ERBB4: variants seen among roughly 807,000 people sequenced by gnomAD.
ERBB4 encodes the protein erb-b2 receptor tyrosine kinase 4.
ERBB4 carries 42 observed loss-of-function variants against 158.0 expected under a neutral mutation model. That is an observed-to-expected ratio of 0.27 (90% confidence interval 0.21 to 0.34). ERBB4 has a LOEUF of 0.34. Ranked by LOEUF, ERBB4 falls within the 10% of genes least tolerant of loss-of-function variation. The pLI is 1.00. For synonymous variants in ERBB4, 583 were observed against 558.7 expected (o/e 1.04, Z -0.61); for missense variants, 1,333 against 1,624.1 (o/e 0.82, Z 3.08).
intron 2 of ERBB4, among the ~76,000 whole-genome samples, chr2:212,057,359 T>A (rs1205332600): frequency 6.6e-6 from 1 of 152,092 alleles, no homozygotes; most frequent in African/African-American, 2.4e-5. Flanking sequence ...CTGTCAACAT[T>A]AGACAGATCA....
At chr2:211,459,577 G>A (rs1401254891) in intron 20 of ERBB4, among the ~76,000 whole-genome samples, 2 of 152,164 alleles carry the variant, frequency 1.3e-5, no homozygotes, top group Admixed American at 1.3e-4. Context: ...TCACATGGTA[G>A]TGAATAAATC....
At chr2:211,886,423 C>T (rs2078803060) in intron 3 of ERBB4, among the ~76,000 whole-genome samples, 1 of 152,036 alleles carries the variant, frequency 6.6e-6, no homozygotes, top group African/African-American at 2.4e-5. Flanking sequence ...AAAAAATATT[C>T]ATTGAAATAA....
At chr2:211,444,721 C>A (rs2064068144) in intron 20 of ERBB4, among the ~76,000 whole-genome samples, 1 of 152,014 alleles carries the variant, frequency 6.6e-6, no homozygotes, top group African/African-American at 2.4e-5. Context: ...TCTAAACAAT[C>A]TTTTATTGAA....
intron 1 of ERBB4, among the ~76,000 whole-genome samples, chr2:212,285,250 C>G (rs1167341510): frequency 6.6e-6 from 1 of 152,126 alleles, no homozygotes; most frequent in Non-Finnish European, 1.5e-5. Flanking sequence ...GAGAATGGCT[C>G]TCTTTCCATT....
chr2:211,582,731 C>A (rs1216691037), intron 19 of ERBB4, among the ~76,000 whole-genome samples: 1 of 152,104 alleles, frequency 6.6e-6, no homozygotes, highest in Non-Finnish European at 1.5e-5. Context: ...CATCTTTTAG[C>A]TATTTAACTG....
At chr2:211,414,946 TATTTA>T (rs906633916) in intron 25 of ERBB4, among the ~76,000 whole-genome samples, 42 of 152,186 alleles carry the variant, frequency 2.8e-4, no homozygotes, top group African/African-American at 9.2e-4. Flanking sequence ...AAAAGTGAGA[TATTTA>T]ATTTAAATCA....
intron 2 of ERBB4, among the ~76,000 whole-genome samples, chr2:212,010,956 G>C (rs1170117906): frequency 6.6e-6 from 1 of 152,122 alleles, no homozygotes; most frequent in Non-Finnish European, 1.5e-5. Flanking sequence ...GAAAAATATG[G>C]CTCTTTTTGC....
At chr2:211,813,035 C>T (rs1388030330) in intron 3 of ERBB4, among the ~76,000 whole-genome samples, 1 of 152,150 alleles carries the variant, frequency 6.6e-6, no homozygotes, top group Admixed American at 6.5e-5. Context: ...TCCAGCTCGC[C>T]CTCTGTGGGC....
intron 5 of ERBB4, among the ~76,000 whole-genome samples, chr2:211,746,602 G>A (rs893614871): frequency 3.3e-5 from 5 of 152,092 alleles, no homozygotes; most frequent in East Asian, 1.9e-4. Context: ...GCCGAGGCGA[G>A]TGGATCACCT....
intron 25 of ERBB4, among the ~76,000 whole-genome samples, chr2:211,404,433 C>G (rs2063107507): frequency 6.6e-6 from 1 of 152,066 alleles, no homozygotes; most frequent in African/African-American, 2.4e-5. Flanking sequence ...TGTCAACAGC[C>G]TGCTCTCAAT....
intron 3 of ERBB4, among the ~76,000 whole-genome samples, chr2:211,903,783 A>T (rs1183404168): frequency 2.0e-5 from 3 of 151,880 alleles, no homozygotes; most frequent in African/African-American, 4.8e-5. Context: ...TTACACAATT[A>T]AAAAAGAAAA....
intron 1 of ERBB4, among the ~76,000 whole-genome samples, chr2:212,446,633 A>C (rs187046885): frequency 0.033 from 3,197 of 96,526 alleles, 633 homozygotes; most frequent in East Asian, 0.081. Flanking sequence ...ATATATATAT[A>C]TATATCCTAT....
intron 3 of ERBB4, among the ~76,000 whole-genome samples, chr2:211,907,533 TC>T (rs2079429562): frequency 6.6e-6 from 1 of 151,510 alleles, no homozygotes; most frequent in Non-Finnish European, 1.5e-5. Flanking sequence ...TGGAAGAAGA[TC>T]AAGTCATTTT....
chr2:212,248,402 A>G (rs201976811), intron 1 of ERBB4, among the ~76,000 whole-genome samples: 1 of 152,270 alleles, frequency 6.6e-6, no homozygotes, highest in South Asian at 2.1e-4. Flanking sequence ...TTGTCTAGAA[A>G]GAGTATATAC....
At chr2:211,897,388 T>C (rs912390404) in intron 3 of ERBB4, among the ~76,000 whole-genome samples, 7 of 151,012 alleles carry the variant, frequency 4.6e-5, no homozygotes, top group African/African-American at 1.2e-4. Flanking sequence ...TTTATAATGA[T>C]GCATATGAAG....
intron 5 of ERBB4, among the ~76,000 whole-genome samples, chr2:211,746,728 G>T (rs2074984061): frequency 6.6e-6 from 1 of 151,700 alleles, no homozygotes; most frequent in South Asian, 2.1e-4. Context: ...TACTTGTGAG[G>T]CTGAGGCAGG....
chr2:211,899,109 C>G (rs769688814), intron 3 of ERBB4, among the ~76,000 whole-genome samples: 3 of 152,060 alleles, frequency 2.0e-5, no homozygotes, highest in Non-Finnish European at 4.4e-5. Context: ...AAGACAAAAA[C>G]TCAGATGTTC....
At chr2:211,876,464 C>CA (rs1441933160) in intron 3 of ERBB4, among the ~76,000 whole-genome samples, 3 of 152,020 alleles carry the variant, frequency 2.0e-5, no homozygotes, top group Non-Finnish European at 4.4e-5. Context: ...TTATATAGAG[C>CA]AATTAAAGTT....
At chr2:212,344,421 G>A (rs1367579071) in intron 1 of ERBB4, among the ~76,000 whole-genome samples, 1 of 151,954 alleles carries the variant, frequency 6.6e-6, no homozygotes, top group East Asian at 1.9e-4. Context: ...GAGAACCACA[G>A]GATAAAAGAG....
Sources: gnomAD v4.1 joint callset for allele counts (sites outside exome capture counted in the v4.1 genomes callset) on GRCh38, gnomAD v4.1.1 for gene constraint, MANE v1.5 for transcripts, NCBI Gene and HGNC (gene_info 2026-07-23, HGNC 2026-07-21) for gene names.